Variants in RNF150 observed in about 807,000 individuals in gnomAD.
RNF150 encodes ring finger protein 150.
A neutral mutation model predicts 39.3 loss-of-function variants in RNF150; 24 were observed. That is an observed-to-expected ratio of 0.61 (90% CI 0.44 to 0.86). The LOEUF is 0.86. Ranked by LOEUF, RNF150 falls within the 40% of genes least tolerant of loss-of-function variation. The probability of loss-of-function intolerance (pLI) is 0.00; values close to 1 mark genes in which losing one functional copy is unlikely to be tolerated. For missense variants in RNF150, 502 were observed against 587.8 expected, an observed-to-expected ratio of 0.85 and a Z score of 1.51; for synonymous variants, 255 against 227.3, an observed-to-expected ratio of 1.12 and a Z score of -1.10.
In RNF150 at chr4:140,861,734, C is replaced by T. The variant is rs774821014; in HGVS notation, c.*6527G>A. ...ATACTATATTTAGCTAGCTCTTATA[C>T]ATGAAAATTCTTTGGCTATTTAAAA... On this transcript the variant is annotated 3_prime_UTR_variant, in exon 7 of 7. Transcript: ENST00000515673. The T allele has an allele frequency of 5.9e-5, 9 of 152,166 alleles. No individual in the cohort carries two copies. Among genetic ancestry groups the T allele is most frequent in the Non-Finnish European group, 1.0e-4 (7 of 68,032 alleles). 9.4% of individuals were successfully genotyped at this position (152,166 alleles called of 1,614,324 possible).
chr4:141,139,019 G>A (rs1375081916), intron 1 of RNF150, among the ~76,000 whole-genome samples: 6 of 152,222 alleles, frequency 3.9e-5, no homozygotes, highest in East Asian at 1.9e-4. Flanking sequence ...AGCCTTAGGC[G>A]ACATAGGGAG....
At chr4:141,195,762 T>A (rs899729228) in intron 1 of RNF150, among the ~76,000 whole-genome samples, 1 of 152,224 alleles carries the variant, frequency 6.6e-6, no homozygotes, top group Non-Finnish European at 1.5e-5. Flanking sequence ...TGACAAGGTT[T>A]GCAATCTGAG....
At chr4:141,092,225 C>T (rs540701905) in intron 1 of RNF150, among the ~76,000 whole-genome samples, 1 of 152,182 alleles carries the variant, frequency 6.6e-6, no homozygotes, top group African/African-American at 2.4e-5. Flanking sequence ...TGCCTGTAAT[C>T]CCAGCTACTT....
rs1196015567 is a variant in RNF150 at position 140,868,179 on chromosome 4, G to A, written c.*82C>T. On this transcript the variant is annotated 3_prime_UTR_variant, in exon 7 of 7. Transcript: ENST00000515673. ...TTGCCAAGGTGATCTGGAGGTGTGT[G>A]TGTGCCTGGTCCAAGTCTTGGAGCA... 20 of 811,110 alleles carry A rather than the reference G, an allele frequency of 2.5e-5. No homozygotes were observed. Among genetic ancestry groups the A allele is most frequent in the Non-Finnish European group, 3.9e-5 (18 of 460,302 alleles). 50.2% of individuals were successfully genotyped at this position (811,110 alleles called of 1,614,324 possible).
chr4:141,052,315 T>C (rs2110893437), intron 1 of RNF150, among the ~76,000 whole-genome samples: 1 of 152,324 alleles, frequency 6.6e-6, no homozygotes, highest in Middle Eastern at 3.4e-3. Flanking sequence ...ATTGTAAATA[T>C]TAAACAGTCA....
intron 2 of RNF150, among the ~76,000 whole-genome samples, chr4:140,963,154 AATCAG>A (rs1381245294): frequency 6.6e-6 from 1 of 152,022 alleles, no homozygotes; most frequent in Admixed American, 6.6e-5. Flanking sequence ...TCATTTTGAG[AATCAG>A]ATATAAGCAA....
chr4:141,157,218 C>A lies in RNF150; in HGVS notation c.-6+55576G>T, dbSNP rs1159548910. On this transcript the variant is annotated intron_variant, in intron 1 of 7. Coordinates refer to the RNF150 transcript ENST00000420921. ...CAGGTGTCACGTGCACAATATCTCC[C>A]CCCCCAAAAATGTAGGGGTGTGTCA... 3.9e-5 allele frequency among the ~76,000 whole-genome samples: 6 copies of A among 152,100 alleles called. No individual in the cohort carries two copies. The East Asian group carries it at 1.2e-3, about 29-fold the overall frequency.
chr4:141,043,152 A>G (rs140692829), intron 1 of RNF150, among the ~76,000 whole-genome samples: 34 of 152,298 alleles, frequency 2.2e-4, no homozygotes, highest in Middle Eastern at 6.8e-3. Context: ...AAGTCTACAA[A>G]TAATTAACAT....
At chr4:141,068,311 C>G (rs1455646750) in intron 1 of RNF150, among the ~76,000 whole-genome samples, 1 of 152,166 alleles carries the variant, frequency 6.6e-6, no homozygotes, top group Non-Finnish European at 1.5e-5. Context: ...AGTTTTAGCA[C>G]TGATGTTGAT....
At chr4:140,907,827 C>T (rs1345192642) in intron 6 of RNF150, among the ~76,000 whole-genome samples, 1 of 152,140 alleles carries the variant, frequency 6.6e-6, no homozygotes, top group Non-Finnish European at 1.5e-5. Context: ...CTCTATGCCT[C>T]CATTTCTGCA....
intron 1 of RNF150, among the ~76,000 whole-genome samples, chr4:141,188,474 T>C (rs1728051119): frequency 6.6e-6 from 1 of 152,216 alleles, no homozygotes; most frequent in South Asian, 2.1e-4. Flanking sequence ...CCCGTCACTT[T>C]CAGGTACACC....
At chr4:141,046,323 C>T (rs945330511) in intron 1 of RNF150, among the ~76,000 whole-genome samples, 5 of 152,118 alleles carry the variant, frequency 3.3e-5, no homozygotes, top group Non-Finnish European at 5.9e-5. Flanking sequence ...TTAAATAGAC[C>T]GCATTCTTTT....
intron 1 of RNF150, among the ~76,000 whole-genome samples, chr4:141,007,981 T>C (rs142827251): frequency 6.6e-6 from 1 of 152,304 alleles, no homozygotes; most frequent in East Asian, 1.9e-4. Context: ...ATGAAGACTG[T>C]GAATAAGAAT....
intron 1 of RNF150, among the ~76,000 whole-genome samples, chr4:141,000,017 GA>G (rs1560679011): frequency 3.0e-5 from 1 of 33,544 alleles, no homozygotes. Context: ...AGAAGAAGAA[GA>G]AGAAGAAGAA....
At chr4:140,946,147 G>A (rs551810927) in intron 4 of RNF150, among the ~76,000 whole-genome samples, 70 of 152,240 alleles carry the variant, frequency 4.6e-4, no homozygotes, top group African/African-American at 1.7e-3. Flanking sequence ...ACAAACTAAC[G>A]GAAAGTGAAT....
chr4:141,134,110 T>C (rs1419994544), upstream of RNF150, among the ~76,000 whole-genome samples: 2 of 152,164 alleles, frequency 1.3e-5, no homozygotes, highest in African/African-American at 4.8e-5. Context: ...AGAAACCGGG[T>C]GAGACATTTC....
At chr4:140,917,976 A>T (rs1578963039) in intron 5 of RNF150, among the ~76,000 whole-genome samples, 1 of 152,010 alleles carries the variant, frequency 6.6e-6, no homozygotes, top group East Asian at 1.9e-4. Context: ...AGAAATAAAG[A>T]TGTTCTTTGA....
intron 1 of RNF150, among the ~76,000 whole-genome samples, chr4:141,187,010 G>A (rs1728024724): frequency 6.6e-6 from 1 of 152,104 alleles, no homozygotes; most frequent in Non-Finnish European, 1.5e-5. Flanking sequence ...GATTTCCCTG[G>A]AAACACTGCT....
At chr4:141,122,705 T>A (rs1303809239) in intron 1 of RNF150, among the ~76,000 whole-genome samples, 3 of 152,218 alleles carry the variant, frequency 2.0e-5, no homozygotes, top group African/African-American at 7.2e-5. Context: ...AATGTATGAT[T>A]AAATTTTTAA....
Sources: allele counts gnomAD v4.1 joint callset (sites outside exome capture counted in the v4.1 genomes callset), GRCh38; gene constraint gnomAD v4.1.1; transcripts MANE v1.5; gene names NCBI Gene and HGNC (gene_info 2026-07-23, HGNC 2026-07-21).